CLSTN1: variants seen among roughly 807,000 people sequenced by gnomAD.
CLSTN1 encodes the protein calsyntenin 1.
A neutral mutation model predicts 108.3 loss-of-function variants in CLSTN1; 28 were observed. The observed-to-expected ratio is 0.26, with a 90% CI of 0.19 to 0.35. The LOEUF (loss-of-function observed/expected upper bound fraction) is 0.35. Among genes scored for constraint, CLSTN1 ranks in the 10% least tolerant of loss-of-function variants. The pLI is 1.00. For synonymous variants in CLSTN1, 524 were observed against 534.9 expected (o/e 0.98, Z 0.28); for missense variants, 1,157 against 1,302.6 (o/e 0.89, Z 1.72).
chr1:9,792,033 C>T lies in CLSTN1; in HGVS notation c.92-18639G>A, dbSNP rs144254874. Among the ~76,000 whole-genome samples, 1,230 of 150,962 alleles carry T rather than the reference C, an allele frequency of 8.1e-3. 23 individuals are homozygous for T. Among genetic ancestry groups the T allele is most frequent in the Middle Eastern group, 0.031 (9 of 294 alleles). Reference sequence around the variant, plus strand: ...GCATGGTGGCGGGTGCCTGTAATCCCAGCTACTCGGGAGGCTGGGGCAGGA... The same window carrying T: ...GCATGGTGGCGGGTGCCTGTAATCCTAGCTACTCGGGAGGCTGGGGCAGGA... On this transcript the variant is annotated intron_variant, in intron 1 of 18. Transcript: ENST00000377298.
rs1190854377 is a variant in CLSTN1, at chr1:9,729,231, C to G, written c.*1277G>C. ...CAGCCACCAGTGTCCTCAGAACTAG[C>G]AGTCAGGGTCACAGAACAGTATTCA... On this transcript the variant is annotated 3_prime_UTR_variant, in exon 19 of 19. Coordinates refer to ENST00000377298, the MANE Select transcript of CLSTN1 (RefSeq NM_001009566.3). 1.3e-5 allele frequency: 2 copies of G among 152,358 alleles called. No homozygotes were observed. Among genetic ancestry groups the G allele is most frequent in the Non-Finnish European group, 2.9e-5 (2 of 68,030 alleles). The allele number at this position is 152,358 out of a possible 1,614,324, so 9.4% of individuals were successfully genotyped here. A position where few individuals can be genotyped will look rare whatever the true frequency, so the allele number is the denominator to read the frequency against.
chr1:9,730,897 C>T lies in CLSTN1; in HGVS notation c.2749-192G>A, dbSNP rs550266592. ...AAAACAAAGCTCCAGTCAGCACCCA[C>T]GGAGTCACCCACATACAAAGCAGCT... On this transcript the variant is annotated intron_variant, in intron 18 of 18. Transcript: ENST00000377298. The surrounding 1 kb of genome is among the most constrained non-coding windows in gnomAD (Gnocchi z 5.6). Among the ~76,000 whole-genome samples the T allele has an allele frequency of 5.3e-5, 8 of 152,312 alleles. No homozygotes were observed. Among genetic ancestry groups the T allele is most frequent in the Non-Finnish European group, 1.2e-4 (8 of 68,030 alleles).
chr1:9,733,571 T>C (rs748459390), intron 15 of CLSTN1, 25 bp from the exon 16 acceptor site: 52 of 1,612,742 alleles, frequency 3.2e-5, no homozygotes, highest in East Asian at 4.5e-5. Context: ...AGGGGGAAGA[T>C]TGCCGGGTGG....
chr1:9,754,935 G>A (rs1035277885), intron 4 of CLSTN1, among the ~76,000 whole-genome samples, 179 bp downstream of exon 4: 1 of 152,172 alleles, frequency 6.6e-6, no homozygotes, highest in African/African-American at 2.4e-5. Context: ...GTATACAAGG[G>A]TAGAGAGACA....
At chr1:9,742,253 T>C (rs1373823004) in intron 9 of CLSTN1, among the ~76,000 whole-genome samples, 1 of 152,210 alleles carries the variant, frequency 6.6e-6, no homozygotes, top group Non-Finnish European at 1.5e-5. Context: ...GTGATTATGC[T>C]TGTCTATGAG....
chr1:9,800,115 T>C (rs1228982081), intron 1 of CLSTN1, among the ~76,000 whole-genome samples: 4 of 151,848 alleles, frequency 2.6e-5, no homozygotes, highest in African/African-American at 7.3e-5. Flanking sequence ...TTAATACATA[T>C]ATTAGAAAAA....
intron 7 of CLSTN1, among the ~76,000 whole-genome samples, chr1:9,744,944 G>A (rs1651181400): frequency 1.3e-5 from 2 of 152,090 alleles, no homozygotes; most frequent in South Asian, 4.1e-4. Flanking sequence ...AGGAGAGCCG[G>A]AGTTTCACCA....
At chr1:9,805,722 C>T (rs1207530764) in intron 1 of CLSTN1, among the ~76,000 whole-genome samples, 3 of 151,624 alleles carry the variant, frequency 2.0e-5, no homozygotes, top group Non-Finnish European at 4.4e-5. Context: ...CAAAAATTAA[C>T]CAGGTGTGGT....
chr1:9,741,407 C>G, intron 9 of CLSTN1, 151 bp from the exon 10 acceptor site: 1 of 739,680 alleles, frequency 1.4e-6, no homozygotes, highest in Non-Finnish European at 2.2e-6. Context: ...ATACATCTCA[C>G]CAAAAGAAGC....
chr1:9,741,439 C>T (rs1650978893), intron 9 of CLSTN1, among the ~76,000 whole-genome samples, 183 bp from the exon 10 acceptor site: 1 of 152,142 alleles, frequency 6.6e-6, no homozygotes, highest in Non-Finnish European at 1.5e-5. Flanking sequence ...AGGGCATTTC[C>T]AAACTACGGG....
rs61730379 is a variant in CLSTN1 at position 9,751,516 on chromosome 1, G to A, written c.606C>T (p.Tyr202=). The change falls in exon 5 of 19, where the codon TAC becomes TAT. Residue 202 remains tyrosine (Y), a synonymous_variant. Coordinates refer to ENST00000377298, the MANE Select transcript of CLSTN1 (RefSeq NM_001009566.3). ...AGGGCACGTCTGGAGTGATGATTTC[G>A]TAGCTGCAAATCTGGCTGAACTGAG... ...CSPQFSQICS[Y]EIITPDVPFT... 2.1e-4 allele frequency: 341 copies of A among 1,614,084 alleles called. No homozygotes were observed. The African/African-American group carries it at 3.9e-3, about 18-fold the overall frequency.
chr1:9,769,223 A>G (rs1203941990), intron 2 of CLSTN1, among the ~76,000 whole-genome samples: 3 of 151,770 alleles, frequency 2.0e-5, no homozygotes, highest in African/African-American at 7.3e-5. Flanking sequence ...CCTCCCCCCC[A>G]TGCAGCTGCC....
chr1:9,778,652 T>C (rs1329220593), intron 1 of CLSTN1, among the ~76,000 whole-genome samples: 9 of 152,010 alleles, frequency 5.9e-5, no homozygotes, highest in African/African-American at 2.2e-4. Context: ...AGACCAAAAA[T>C]AAAAGTGTCT....
chr1:9,819,751 A>T (rs1655122027), intron 1 of CLSTN1, among the ~76,000 whole-genome samples: 1 of 152,232 alleles, frequency 6.6e-6, no homozygotes, highest in South Asian at 2.1e-4. Context: ...CAGCAGTTAT[A>T]GGTCTCCTTT....
At chr1:9,806,819 C>A (rs1484208836) in intron 1 of CLSTN1, among the ~76,000 whole-genome samples, 1 of 152,092 alleles carries the variant, frequency 6.6e-6, no homozygotes, top group African/African-American at 2.4e-5. Flanking sequence ...GTGGAGCTTG[C>A]AGTGAGCTGA....
rs1358751315 is a variant in CLSTN1, at chr1:9,735,355, G to C, written c.1883+112C>G. ...TCAGCTCTCTGCCCCACACTTTCTGGTTACACACGATGGCTCACCTTTCCT... is the reference window on the plus strand; with the variant it reads ...TCAGCTCTCTGCCCCACACTTTCTGCTTACACACGATGGCTCACCTTTCCT... On this transcript the variant is annotated intron_variant, in intron 13 of 18. Coordinates refer to ENST00000377298, the MANE Select transcript of CLSTN1 (RefSeq NM_001009566.3). 5 of 1,484,534 alleles carry C rather than the reference G, an allele frequency of 3.4e-6. No individual in the cohort carries two copies. The East Asian group carries it at 6.8e-5, about 20-fold the overall frequency. 92.0% of individuals were successfully genotyped at this position (1,484,534 alleles called of 1,614,324 possible).
At chr1:9,801,128 C>A (rs569891981) in intron 1 of CLSTN1, among the ~76,000 whole-genome samples, 2 of 152,134 alleles carry the variant, frequency 1.3e-5, no homozygotes, top group East Asian at 3.9e-4. Flanking sequence ...CACCTGTAAT[C>A]CCAGCTACTT....
At chr1:9,750,715 C>CAAAAAAAAAAAAAAA (rs775430059) in intron 5 of CLSTN1, among the ~76,000 whole-genome samples, 67 of 77,066 alleles carry the variant, frequency 8.7e-4, no homozygotes, top group African/African-American at 1.4e-3. Context: ...TTCCCTCAAA[C>CAAAAAAAAAAAAAAA]AAAAAAAAAA....
intron 3 of CLSTN1, among the ~76,000 whole-genome samples, chr1:9,756,224 C>G (rs577885554): frequency 6.4e-4 from 97 of 152,322 alleles, no homozygotes; most frequent in African/African-American, 2.2e-3. Flanking sequence ...TAAAGCAAAT[C>G]TCTGAAGTTC....
Sources: allele counts gnomAD v4.1 joint callset (sites outside exome capture counted in the v4.1 genomes callset), GRCh38; gene constraint gnomAD v4.1.1; non-coding constraint Gnocchi (gnomAD v3.1); transcripts MANE v1.5; gene names NCBI Gene and HGNC (gene_info 2026-07-23, HGNC 2026-07-21).